NUCB2: variants seen among roughly 807,000 people sequenced by gnomAD.
NUCB2 encodes the protein nucleobindin-2.
A neutral mutation model predicts 57.9 loss-of-function variants in NUCB2; 48 were observed. The observed-to-expected ratio is 0.83, with a 90% CI of 0.66 to 1.05. The LOEUF (loss-of-function observed/expected upper bound fraction) is 1.05, where lower values mean the gene tolerates loss of function less well. Among genes scored for constraint, NUCB2 ranks in the 50% least tolerant of loss-of-function variants. The pLI, the probability that NUCB2 is intolerant of heterozygous loss-of-function variation, is 0.00. For synonymous variants in NUCB2, 139 were observed against 152.1 expected, an observed-to-expected ratio of 0.91 and a Z score of 0.64; for missense variants, 442 against 476.2, an observed-to-expected ratio of 0.93 and a Z score of 0.67.
Position 17,309,647 on chromosome 11 carries a change from C to A in NUCB2, c.455C>A (p.Ser152Tyr). Residue 152 changes from serine (S) to tyrosine (Y), a missense_variant, in exon 6 of 14, where the codon TCC (serine) becomes TAC (tyrosine). By Grantham distance (144) the Ser-to-Tyr change is moderately radical (BLOSUM62 -2). Transcript: ENST00000529010. ...LNHLNPDKFE[S>Y]TDLDMLIKAA... is the part of the protein sequence containing the mutation. The stretch of plus-strand genomic sequence containing the variant: ...CACCTGAATCCTGACAAGTTTGAAT[C>A]CACAGATTTAGATATGCTAATCAAA... 6.2e-7 allele frequency: 1 copy of A among 1,605,334 alleles called. No individual in the cohort carries two copies. The highest frequency in any genetic ancestry group is 1.1e-5 in the South Asian group (1 of 89,424).
chr11:17,336,995 C>T (rs1951872510), downstream of NUCB2, among the ~76,000 whole-genome samples: 1 of 151,528 alleles, frequency 6.6e-6, no homozygotes, highest in South Asian at 2.1e-4. Flanking sequence ...GGCTGGAGTA[C>T]AGTGGTGCCA....
intron 3 of NUCB2, 86 bp downstream of exon 3, chr11:17,295,553 A>T (rs1291311462): frequency 1.0e-6 from 1 of 984,716 alleles, no homozygotes; most frequent in African/African-American, 1.6e-5. Context: ...ATGAGGTGAA[A>T]CTATAACTAA....
At chr11:17,277,057 C>T (rs1293225073) in intron 1 of NUCB2, 1 of 152,328 alleles carries the variant, frequency 6.6e-6, no homozygotes, top group Non-Finnish European at 1.5e-5. Flanking sequence ...TCTTCGGGGT[C>T]GAGGAGGGTG....
At chr11:17,295,678 T>G in intron 3 of NUCB2, 2 of 517,086 alleles carry the variant, frequency 3.9e-6, no homozygotes, top group Non-Finnish European at 3.4e-6. Context: ...AAGCATATGC[T>G]GTTTACCATT....
chr11:17,288,880 T>TACAC lies in NUCB2; in HGVS notation c.-1+5938_-1+5939insCACA, dbSNP rs775443519. The stretch of plus-strand genomic sequence containing the variant: ...CTTAAAGTCTATTTAATAACATGTA[T>TACAC]ATACACACACACACACACACACACA... On this transcript the variant is annotated intron_variant, in intron 2 of 13. Transcript: ENST00000529010. 4.4e-3 allele frequency among the ~76,000 whole-genome samples: 300 copies of TACAC among 67,442 alleles called. 37 individuals are homozygous for TACAC. Among genetic ancestry groups the TACAC allele is most frequent in the East Asian group, 0.011 (25 of 2,230 alleles). The allele number at this position is 67,442 out of a possible 152,430, so 44.2% of individuals were successfully genotyped here. A position where few individuals can be genotyped will look rare whatever the true frequency, so the allele number is the denominator to read the frequency against.
chr11:17,283,851 C>T (rs535220854), intron 2 of NUCB2, among the ~76,000 whole-genome samples: 13 of 152,284 alleles, frequency 8.5e-5, no homozygotes, highest in African/African-American at 3.1e-4. Flanking sequence ...TCTCAAGATA[C>T]ATTTCACTAT....
chr11:17,338,862 C>T lies in NUCB2; in HGVS notation n.2626+1328C>T, dbSNP rs563965419. Among the ~76,000 whole-genome samples, 53 of 152,246 alleles carry T rather than the reference C, an allele frequency of 3.5e-4. 1 individual carries two copies. In the South Asian group the frequency reaches 0.011, roughly 31 times the overall value. ...TGTTTTTAGTAGAGATGGGGTTTCA[C>T]CATGGTGGCCAGGCTGGTCTTGAAC... On this transcript the variant is annotated intron_variant and non_coding_transcript_variant, in intron 2 of 2. Coordinates refer to the NUCB2 transcript ENST00000532240.
intron 11 of NUCB2, among the ~76,000 whole-genome samples, chr11:17,321,361 T>A (rs913832528): frequency 6.6e-6 from 1 of 152,202 alleles, no homozygotes; most frequent in African/African-American, 2.4e-5. Context: ...TATTTGTCTT[T>A]CTGTGCCTGG....
chr11:17,345,435 G>A (rs550833547), intron 2 of NUCB2, among the ~76,000 whole-genome samples: 234 of 152,276 alleles, frequency 1.5e-3, no homozygotes, highest in African/African-American at 5.3e-3. Context: ...TTGGCTGGGT[G>A]CGGTGGCTCA....
At chr11:17,331,262 T>C (rs1472685025) in intron 13 of NUCB2, 150 bp from the exon 14 acceptor site, 7 of 524,688 alleles carry the variant, frequency 1.3e-5, no homozygotes, top group South Asian at 3.6e-5. Flanking sequence ...TTTCTAATTA[T>C]ATTAATCTTA....
At chr11:17,321,243 C>T (rs1255682356) in intron 11 of NUCB2, among the ~76,000 whole-genome samples, 1 of 151,690 alleles carries the variant, frequency 6.6e-6, no homozygotes, top group African/African-American at 2.4e-5. Flanking sequence ...CCCACCACTC[C>T]CCAACTCCAC....
chr11:17,279,362 C>T lies in NUCB2; in HGVS notation c.-156+2534C>T, dbSNP rs370025947. On this transcript the variant is annotated intron_variant, in intron 1 of 13. Coordinates refer to ENST00000529010, the MANE Select transcript of NUCB2 (RefSeq NM_005013.4). ...AGATTCCAGTACGGGCTCTGCCAAA[C>T]GAACTTGGCCAAGTCAGTTAACTTC... Among the ~76,000 whole-genome samples, 29 of 152,232 alleles carry T rather than the reference C, an allele frequency of 1.9e-4. No individual in the cohort carries two copies. In the South Asian group the frequency reaches 5.4e-3, roughly 28 times the overall value.
chr11:17,348,385 A>AGTGCAGTG (rs1361821395), intron 2 of NUCB2, among the ~76,000 whole-genome samples: 4 of 121,146 alleles, frequency 3.3e-5, no homozygotes, highest in Non-Finnish European at 6.3e-5. Flanking sequence ...CCCAGGCTGG[A>AGTGCAGTG]GTGCAGTGGT....
In NUCB2 at chr11:17,296,163, T is replaced by G; in HGVS notation, c.204T>G (p.Asp68Glu). The change falls in exon 4 of 14, where the codon GAT becomes GAG. Residue 68 changes from aspartate to glutamate, a missense_variant. By Grantham distance (45) the Asp-to-Glu change is conservative. Transcript: ENST00000529010. Reference sequence around the variant, plus strand: ...AAGTGATTGATGTGCTGGAAACAGATAAACACTTCAGAGAAAAGCTCCAGA... The same window carrying G: ...AAGTGATTGATGTGCTGGAAACAGAGAAACACTTCAGAGAAAAGCTCCAGA... ...LKQVIDVLET[D>E]KHFREKLQKA... is the part of the protein sequence containing the mutation. 1 of 1,612,272 alleles carries G rather than the reference T, an allele frequency of 6.2e-7. No homozygotes were observed. Among genetic ancestry groups the G allele is most frequent in the Non-Finnish European group, 8.5e-7 (1 of 1,179,038 alleles).
chr11:17,288,302 A>G (rs1944135516), intron 2 of NUCB2, among the ~76,000 whole-genome samples: 1 of 152,128 alleles, frequency 6.6e-6, no homozygotes, highest in Non-Finnish European at 1.5e-5. Flanking sequence ...ATTTTTTTCT[A>G]TATAGTATAC....
intron 5 of NUCB2, among the ~76,000 whole-genome samples, chr11:17,305,981 G>A (rs1396787593): frequency 6.6e-6 from 1 of 152,152 alleles, no homozygotes; most frequent in Non-Finnish European, 1.5e-5. Context: ...CAAAGGTATA[G>A]TTAAAACCAC....
intron 2 of NUCB2, among the ~76,000 whole-genome samples, chr11:17,285,743 C>CAA (rs1159389193): frequency 6.0e-3 from 204 of 33,790 alleles, no homozygotes; most frequent in East Asian, 9.8e-3. Flanking sequence ...GACTCCGTCT[C>CAA]AAAAAAAAAA....
chr11:17,281,003 T>G (rs1225892433), intron 1 of NUCB2, among the ~76,000 whole-genome samples: 1 of 152,188 alleles, frequency 6.6e-6, no homozygotes, highest in Non-Finnish European at 1.5e-5. Context: ...ATAGCGCCAA[T>G]GTACTCCAGC....
At position 17,310,601 on chromosome 11, in the gene NUCB2, G is replaced by A. The variant is rs558372180; in HGVS notation, c.484-224G>A. Among the ~76,000 whole-genome samples, 8 of 152,156 alleles carry A rather than the reference G, an allele frequency of 5.3e-5. No individual in the cohort carries two copies. In the South Asian group the frequency reaches 6.2e-4, roughly 12 times the overall value. ...GTGGAGGTGGCAGTGAGCCGAAATCGTGCCACTGCACTCCAGCCTGGGTGA... is the reference window on the plus strand; with the variant it reads ...GTGGAGGTGGCAGTGAGCCGAAATCATGCCACTGCACTCCAGCCTGGGTGA... On this transcript the variant is annotated intron_variant, in intron 6 of 13. Coordinates refer to ENST00000529010, the MANE Select transcript of NUCB2 (RefSeq NM_005013.4).
Sources: gnomAD v4.1 joint callset for allele counts (sites outside exome capture counted in the v4.1 genomes callset) on GRCh38, gnomAD v4.1.1 for gene constraint, MANE v1.5 for transcripts, NCBI Gene and HGNC (gene_info 2026-07-23, HGNC 2026-07-21) for gene names.